FOXO1: variants seen among roughly 807,000 people sequenced by gnomAD.
FOXO1 encodes forkhead box O1, also known as forkhead box protein O1.
A neutral mutation model predicts 44.1 loss-of-function variants in FOXO1; 6 were observed. That is an observed-to-expected ratio of 0.14 (90% CI 0.07 to 0.27). FOXO1 has a LOEUF of 0.27. Ranked by LOEUF, FOXO1 falls within the 10% of genes least tolerant of loss-of-function variation. The pLI is 1.00. For synonymous variants in FOXO1, 380 were observed against 362.7 expected, an observed-to-expected ratio of 1.05 and a Z score of -0.54; for missense variants, 737 against 888.8, an observed-to-expected ratio of 0.83 and a Z score of 2.17.
intron 1 of FOXO1, chr13:40,611,218 G>T: frequency 3.3e-6 from 1 of 307,242 alleles, no homozygotes; most frequent in Non-Finnish European, 6.4e-6. Flanking sequence ...TGACCTCACG[G>T]CTTTTAGATA....
intron 1 of FOXO1, among the ~76,000 whole-genome samples, chr13:40,658,209 C>T (rs1877917575): frequency 6.6e-6 from 1 of 152,168 alleles, no homozygotes; most frequent in Admixed American, 6.5e-5. Context: ...TCAAGATGAT[C>T]TAAGCTCTGG....
intron 1 of FOXO1, among the ~76,000 whole-genome samples, chr13:40,587,888 C>G (rs1875229256): frequency 6.6e-6 from 1 of 152,228 alleles, no homozygotes. Context: ...TAATGGGTCT[C>G]TGCCTCTGTG....
chr13:40,586,158 GGCTA>G (rs1362848999), intron 1 of FOXO1, among the ~76,000 whole-genome samples: 1 of 152,188 alleles, frequency 6.6e-6, no homozygotes, highest in Non-Finnish European at 1.5e-5. Flanking sequence ...AGAGGATTGT[GGCTA>G]GCATTTCTGT....
chr13:40,622,961 C>T (rs914112815), intron 1 of FOXO1, among the ~76,000 whole-genome samples: 18 of 152,118 alleles, frequency 1.2e-4, no homozygotes, highest in African/African-American at 4.3e-4. Context: ...GGTTTAAGCC[C>T]ATGCCAATCA....
At chr13:40,605,373 C>T (rs1593396745) in intron 1 of FOXO1, among the ~76,000 whole-genome samples, 1 of 152,106 alleles carries the variant, frequency 6.6e-6, no homozygotes, top group South Asian at 2.1e-4. Context: ...AGCACCCCAG[C>T]GCTCACAGTT....
intron 1 of FOXO1, among the ~76,000 whole-genome samples, chr13:40,575,054 A>C (rs144936125): frequency 6.6e-6 from 1 of 152,254 alleles, no homozygotes; most frequent in African/African-American, 2.4e-5. Flanking sequence ...CATTTGGGCC[A>C]GGCATGTTGG....
chr13:40,611,147 G>C lies in FOXO1; in HGVS notation c.631-50287C>G, dbSNP rs1318877547. On this transcript the variant is annotated intron_variant, in intron 1 of 2. Transcript: ENST00000379561. ...CATCGTGACTGAGGATAAAATGAGT[G>C]AGCAATATATTCTCAGAACAATGAG... The C allele has an allele frequency of 1.6e-5, 7 of 425,552 alleles. No homozygotes were observed. The East Asian group carries it at 5.5e-4, about 33-fold the overall frequency. 26.4% of individuals were successfully genotyped at this position (425,552 alleles called of 1,614,324 possible).
chr13:40,597,057 G>A (rs1252597899), intron 1 of FOXO1, among the ~76,000 whole-genome samples: 1 of 152,188 alleles, frequency 6.6e-6, no homozygotes, highest in Non-Finnish European at 1.5e-5. Flanking sequence ...CCCCAAGCAT[G>A]GTCTAATAAG....
chr13:40,653,954 T>A (rs578052689), intron 1 of FOXO1, among the ~76,000 whole-genome samples: 1 of 152,282 alleles, frequency 6.6e-6, no homozygotes, highest in South Asian at 2.1e-4. Context: ...TCCAGACTGT[T>A]AGAACAGCAA....
At chr13:40,665,369 G>C (rs1269848994) in intron 1 of FOXO1, among the ~76,000 whole-genome samples, 1 of 152,078 alleles carries the variant, frequency 6.6e-6, no homozygotes, top group Admixed American at 6.5e-5. Flanking sequence ...CCCTTACCGC[G>C]TCCCACGCGA....
chr13:40,569,277 CAG>C (rs754561893), intron 1 of FOXO1, among the ~76,000 whole-genome samples: 55 of 152,304 alleles, frequency 3.6e-4, no homozygotes, highest in East Asian at 1.5e-3. Context: ...GCTCTGGAGG[CAG>C]AGTTACTGCT....
chr13:40,659,564 T>C (rs190785423), intron 1 of FOXO1, among the ~76,000 whole-genome samples: 133 of 151,990 alleles, frequency 8.8e-4, no homozygotes, highest in Non-Finnish European at 1.5e-3. Context: ...ATTCACTAAA[T>C]TGTATGATGA....
chr13:40,633,990 G>A (rs1877059223), intron 1 of FOXO1, among the ~76,000 whole-genome samples: 1 of 152,080 alleles, frequency 6.6e-6, no homozygotes, highest in South Asian at 2.1e-4. Flanking sequence ...ATGAATTACT[G>A]TACCTAGTAA....
In FOXO1 at chr13:40,649,585, C is replaced by T. The variant is rs563577058; in HGVS notation, c.630+15998G>A. On this transcript the variant is annotated intron_variant, in intron 1 of 2. Coordinates refer to ENST00000379561, the MANE Select transcript of FOXO1 (RefSeq NM_002015.4). ...AAGGAAATTATTAAGTAGGGTCCTC[C>T]TATATGTTCAGCATTTTACATGACC... Among the ~76,000 whole-genome samples, 188 of 152,244 alleles carry T rather than the reference C, an allele frequency of 1.2e-3. 2 individuals are homozygous for T. The highest frequency in any genetic ancestry group is 2.4e-3 in the Non-Finnish European group (161 of 68,006).
At chr13:40,571,009 C>G (rs1874469344) in intron 1 of FOXO1, among the ~76,000 whole-genome samples, 1 of 152,162 alleles carries the variant, frequency 6.6e-6, no homozygotes, top group Non-Finnish European at 1.5e-5. Context: ...GCCTGGAAAA[C>G]AGAAACTATC....
chr13:40,612,517 G>T (rs1328906805), intron 1 of FOXO1, among the ~76,000 whole-genome samples: 2 of 152,214 alleles, frequency 1.3e-5, no homozygotes, highest in Non-Finnish European at 2.9e-5. Flanking sequence ...TCGCAAGCAT[G>T]CCTAAGGAGA....
intron 1 of FOXO1, among the ~76,000 whole-genome samples, chr13:40,604,278 T>A (rs1160076366): frequency 1.3e-5 from 2 of 151,968 alleles, no homozygotes; most frequent in Non-Finnish European, 2.9e-5. Flanking sequence ...TTTTGAAAAA[T>A]CTAGATAGTG....
chr13:40,589,230 C>T (rs1875283059), intron 1 of FOXO1, among the ~76,000 whole-genome samples: 1 of 152,138 alleles, frequency 6.6e-6, no homozygotes, highest in Admixed American at 6.5e-5. Flanking sequence ...TCAAAAGTAA[C>T]TATCTATTCA....
At chr13:40,646,671 A>T (rs1172320937) in intron 1 of FOXO1, among the ~76,000 whole-genome samples, 2 of 151,974 alleles carry the variant, frequency 1.3e-5, no homozygotes, top group East Asian at 3.9e-4. Flanking sequence ...TCAGCTCACT[A>T]CAACCACCGC....
Sources: gnomAD v4.1 joint callset for allele counts (sites outside exome capture counted in the v4.1 genomes callset) on GRCh38, gnomAD v4.1.1 for gene constraint, MANE v1.5 for transcripts, NCBI Gene and HGNC (gene_info 2026-07-23, HGNC 2026-07-21) for gene names.